Variants in SKAP1 observed in about 807,000 individuals in gnomAD.
SKAP1 encodes src kinase associated phosphoprotein 1.
Under a neutral mutation model 58.5 loss-of-function variants are expected in SKAP1, and 44 were observed. The ratio of observed to expected loss-of-function variants is 0.75; its 90% CI spans 0.59 to 0.97. The LOEUF is 0.97. Ranked by LOEUF, SKAP1 falls within the 50% of genes least tolerant of loss-of-function variation. The pLI is 0.00. For missense variants in SKAP1, 390 were observed against 435.2 expected, an observed-to-expected ratio of 0.90 and a Z score of 0.92; for synonymous variants, 127 against 149.7, an observed-to-expected ratio of 0.85 and a Z score of 1.11.
intron 4 of SKAP1, among the ~76,000 whole-genome samples, chr17:48,341,865 C>T (rs1013086343): frequency 6.6e-6 from 1 of 152,124 alleles, no homozygotes; most frequent in African/African-American, 2.4e-5. Flanking sequence ...TTAATTAGAA[C>T]GTAAACATAT....
chr17:48,327,466 A>T (rs1368799391), intron 4 of SKAP1, among the ~76,000 whole-genome samples: 1 of 152,152 alleles, frequency 6.6e-6, no homozygotes, highest in East Asian at 1.9e-4. Flanking sequence ...CTTTTGAAAA[A>T]ATTCTTGCCC....
intron 3 of SKAP1, among the ~76,000 whole-genome samples, chr17:48,346,799 A>G (rs2066729370): frequency 6.6e-6 from 1 of 152,194 alleles, no homozygotes; most frequent in Admixed American, 6.5e-5. Flanking sequence ...GAGAAGTATT[A>G]TAAAAATAGA....
At chr17:48,346,230 C>G (rs1056769118) in intron 3 of SKAP1, among the ~76,000 whole-genome samples, 1 of 152,200 alleles carries the variant, frequency 6.6e-6, no homozygotes, top group Non-Finnish European at 1.5e-5. Context: ...TCAAGTAACT[C>G]TCTCACTAAA....
chr17:48,158,555 G>A (rs2064020429), intron 11 of SKAP1, among the ~76,000 whole-genome samples: 1 of 86,418 alleles, frequency 1.2e-5, no homozygotes. Context: ...GCCACAGAGC[G>A]AGACTCTGTC....
At chr17:48,374,057 C>G (rs1279684221) in intron 2 of SKAP1, among the ~76,000 whole-genome samples, 2 of 152,270 alleles carry the variant, frequency 1.3e-5, no homozygotes, top group Admixed American at 6.5e-5. Context: ...GTTTTTGAGA[C>G]AGGGTCTTGC....
At chr17:48,437,934 T>C in the SKAP1 span, among the ~76,000 whole-genome samples, 1 of 152,048 alleles carries the variant, frequency 6.6e-6, no homozygotes, top group Non-Finnish European at 1.5e-5. Flanking sequence ...TGTCACCTCT[T>C]TGGGTTTGGT....
chr17:48,407,397 C>G (rs1397822871), intron 1 of SKAP1, among the ~76,000 whole-genome samples: 1 of 152,180 alleles, frequency 6.6e-6, no homozygotes, highest in Non-Finnish European at 1.5e-5. Flanking sequence ...TCTGGATTCA[C>G]AAGCCTCTGA....
upstream of SKAP1, among the ~76,000 whole-genome samples, chr17:48,432,880 G>A (rs915868078): frequency 1.3e-5 from 2 of 152,204 alleles, no homozygotes; most frequent in African/African-American, 4.8e-5. Context: ...AGGCTTCACT[G>A]CCTGTCATAG....
chr17:48,193,192 C>A (rs1270992813), intron 4 of SKAP1, among the ~76,000 whole-genome samples: 1 of 152,114 alleles, frequency 6.6e-6, no homozygotes, highest in Non-Finnish European at 1.5e-5. Context: ...CAGGCATGCA[C>A]CACCATGCCT....
In SKAP1 at chr17:48,137,333, T is replaced by C. The variant is rs1282267524; in HGVS notation, c.983A>G (p.Tyr328Cys). 7.4e-6 allele frequency: 12 copies of C among 1,610,762 alleles called. No homozygotes were observed. Among genetic ancestry groups the C allele is most frequent in the East Asian group, 2.2e-5 (1 of 44,874 alleles). The change falls in exon 12 of 13, where the codon TAT becomes TGT. Residue 328 changes from tyrosine (Y) to cysteine (C), a missense_variant. Transcript: ENST00000336915. ...GDLIRILSKEYNMYGWWVGEL... is the reference protein window; with the variant it reads ...GDLIRILSKECNMYGWWVGEL... ...TCCCACCCACCAGCCATACATGTTA[T>C]ACTCCTGAAAAGTGAAAAGAGGATA... is the stretch of plus-strand genomic sequence containing the variant.
At chr17:48,145,435 A>G (rs539391067) in intron 11 of SKAP1, among the ~76,000 whole-genome samples, 1 of 150,284 alleles carries the variant, frequency 6.7e-6, no homozygotes, top group African/African-American at 2.4e-5. Context: ...AAAAAACCCT[A>G]CCAAACCTGC....
chr17:48,298,111 C>T (rs1444265823), intron 4 of SKAP1, among the ~76,000 whole-genome samples: 1 of 152,192 alleles, frequency 6.6e-6, no homozygotes, highest in African/African-American at 2.4e-5. Flanking sequence ...CAGCGTTTAT[C>T]TTTTAAAAGT....
intron 4 of SKAP1, among the ~76,000 whole-genome samples, chr17:48,300,176 T>C (rs1469852688): frequency 6.6e-6 from 1 of 152,162 alleles, no homozygotes; most frequent in Non-Finnish European, 1.5e-5. Flanking sequence ...TCTGCCATTC[T>C]CAGTCAAGTG....
At chr17:48,135,737 T>C (rs570498607) in intron 12 of SKAP1, among the ~76,000 whole-genome samples, 1 of 152,198 alleles carries the variant, frequency 6.6e-6, no homozygotes, top group South Asian at 2.1e-4. Flanking sequence ...TCCTGAAGTG[T>C]TGGGATTACA....
chr17:48,339,010 C>T (rs1475260667), intron 4 of SKAP1, among the ~76,000 whole-genome samples: 1 of 152,190 alleles, frequency 6.6e-6, no homozygotes. Context: ...TCCCAATGAT[C>T]TGAAATCTGA....
At chr17:48,406,595 A>G (rs1284809422) in intron 1 of SKAP1, among the ~76,000 whole-genome samples, 1 of 148,770 alleles carries the variant, frequency 6.7e-6, no homozygotes, top group Non-Finnish European at 1.5e-5. Context: ...GATGGAGTCT[A>G]ACTTATGTCA....
chr17:48,310,498 C>A (rs1055288871), intron 4 of SKAP1, among the ~76,000 whole-genome samples: 4 of 152,114 alleles, frequency 2.6e-5, no homozygotes, highest in Admixed American at 2.6e-4. Context: ...TACAGCTGTT[C>A]ATATTTTCAC....
chr17:48,173,263 G>A (rs1313840444), intron 9 of SKAP1, among the ~76,000 whole-genome samples: 3 of 151,896 alleles, frequency 2.0e-5, no homozygotes, highest in African/African-American at 4.8e-5. Flanking sequence ...GGGAAAAGGA[G>A]CACTTTGACT....
intron 2 of SKAP1, among the ~76,000 whole-genome samples, chr17:48,385,440 T>C (rs1265879404): frequency 2.0e-5 from 3 of 152,012 alleles, no homozygotes; most frequent in African/African-American, 7.2e-5. Context: ...TGGAGAGACA[T>C]AATGAAGAAG....
Sources: allele counts gnomAD v4.1 joint callset (sites outside exome capture counted in the v4.1 genomes callset), GRCh38; gene constraint gnomAD v4.1.1; transcripts MANE v1.5; gene names NCBI Gene and HGNC (gene_info 2026-07-23, HGNC 2026-07-21).